The following PLCXD3 variants were observed in gnomAD, a reference collection of about 807,000 sequenced individuals.
PLCXD3 encodes the protein phosphatidylinositol specific phospholipase C X domain containing 3.
Under a neutral mutation model 25.5 loss-of-function variants are expected in PLCXD3, and 19 were observed. That is an observed-to-expected ratio of 0.75 (90% confidence interval 0.52 to 1.09). The LOEUF is 1.09. Among genes scored for constraint, PLCXD3 ranks in the 50% least tolerant of loss-of-function variants. PLCXD3 has a pLI of 0.00. For synonymous variants in PLCXD3, 174 were observed against 137.6 expected (o/e 1.26, Z -1.85); for missense variants, 411 against 388.1 (o/e 1.06, Z -0.50).
chr5:41,346,161 G>A (rs146059796), intron 2 of PLCXD3, among the ~76,000 whole-genome samples: 64 of 152,288 alleles, frequency 4.2e-4, no homozygotes, highest in African/African-American at 1.5e-3. Context: ...GATTACAGGC[G>A]TGAGCCACCA....
chr5:41,435,848 T>C (rs897809), intron 1 of PLCXD3, among the ~76,000 whole-genome samples: 96,739 of 152,136 alleles, frequency 0.64, 32,717 homozygotes, highest in Admixed American at 0.74. Context: ...CCTTCTCCCG[T>C]AAAGAAACAG....
intron 1 of PLCXD3, among the ~76,000 whole-genome samples, chr5:41,443,807 A>T (rs318068): frequency 0.014 from 2,168 of 152,302 alleles, 59 homozygotes; most frequent in African/African-American, 0.049. Context: ...GACCATACCT[A>T]AGTATAAGCA....
intron 1 of PLCXD3, chr5:41,475,593 C>T (rs747195782): frequency 5.6e-6 from 3 of 534,268 alleles, no homozygotes; most frequent in African/African-American, 3.9e-5. Flanking sequence ...TAGGCCTCTT[C>T]AGGTCCCTTC....
At chr5:41,392,790 G>A (rs1745874295) in intron 1 of PLCXD3, among the ~76,000 whole-genome samples, 1 of 152,110 alleles carries the variant, frequency 6.6e-6, no homozygotes, top group African/African-American at 2.4e-5. Flanking sequence ...TAGCTGTGTT[G>A]AGGAAACTCA....
chr5:41,363,292 A>G (rs1744842295), intron 2 of PLCXD3, among the ~76,000 whole-genome samples: 1 of 152,214 alleles, frequency 6.6e-6, no homozygotes, highest in Non-Finnish European at 1.5e-5. Flanking sequence ...TGTCCTAATC[A>G]TTTTAAAGTA....
chr5:41,428,388 G>GTT (rs200452336), intron 1 of PLCXD3, among the ~76,000 whole-genome samples: 1,770 of 131,482 alleles, frequency 0.013, 75 homozygotes, highest in African/African-American at 0.046. Context: ...TTTTGTTTTT[G>GTT]TTTTTGTTTT....
chr5:41,411,025 G>A (rs1746504764), intron 1 of PLCXD3, among the ~76,000 whole-genome samples: 1 of 152,110 alleles, frequency 6.6e-6, no homozygotes, highest in Admixed American at 6.5e-5. Flanking sequence ...TGGGCAAATG[G>A]GGGAGGGCAG....
intron 1 of PLCXD3, among the ~76,000 whole-genome samples, chr5:41,440,757 C>T (rs925076144): frequency 6.6e-6 from 1 of 152,080 alleles, no homozygotes; most frequent in Non-Finnish European, 1.5e-5. Context: ...TTATACCTCA[C>T]GATAACCGTG....
intron 2 of PLCXD3, among the ~76,000 whole-genome samples, chr5:41,357,513 G>A (rs1353424243): frequency 6.6e-6 from 1 of 152,106 alleles, no homozygotes; most frequent in Non-Finnish European, 1.5e-5. Context: ...ATGCTTAACA[G>A]CTTTAGAACA....
chr5:41,475,447 A>G (rs752453109), intron 1 of PLCXD3, among the ~76,000 whole-genome samples: 3 of 151,902 alleles, frequency 2.0e-5, no homozygotes, highest in African/African-American at 7.3e-5. Context: ...ATCTATCCCT[A>G]TCTGTCCGTA....
intron 1 of PLCXD3, among the ~76,000 whole-genome samples, chr5:41,454,818 A>G (rs1747717617): frequency 6.6e-6 from 1 of 151,972 alleles, no homozygotes; most frequent in Non-Finnish European, 1.5e-5. Context: ...GTCTGTTTTC[A>G]TACTGCTATG....
At chr5:41,502,272 G>C (rs541123273) in intron 1 of PLCXD3, among the ~76,000 whole-genome samples, 1 of 152,196 alleles carries the variant, frequency 6.6e-6, no homozygotes, top group East Asian at 1.9e-4. Flanking sequence ...GGAAACTGAG[G>C]AAGATCTTGT....
intron 1 of PLCXD3, among the ~76,000 whole-genome samples, chr5:41,464,016 GCTGA>G (rs1045242158): frequency 7.2e-5 from 11 of 151,954 alleles, no homozygotes; most frequent in Admixed American, 7.2e-4. Flanking sequence ...TCAGTTTTTT[GCTGA>G]CTACCTTAGC....
intron 1 of PLCXD3, among the ~76,000 whole-genome samples, chr5:41,461,134 A>C (rs1197628141): frequency 1.3e-5 from 2 of 151,990 alleles, no homozygotes; most frequent in African/African-American, 4.8e-5. Context: ...TTGGTAAATA[A>C]ACTAAAAAAT....
At chr5:41,454,498 G>T (rs1747708528) in intron 1 of PLCXD3, among the ~76,000 whole-genome samples, 1 of 151,882 alleles carries the variant, frequency 6.6e-6, no homozygotes, top group African/African-American at 2.4e-5. Context: ...CCATTCTTGT[G>T]GACAGAGCCC....
chr5:41,344,217 A>G (rs976841409), intron 2 of PLCXD3, among the ~76,000 whole-genome samples: 1 of 152,138 alleles, frequency 6.6e-6, no homozygotes, highest in African/African-American at 2.4e-5. Flanking sequence ...AAGAAGACAA[A>G]AGATAGTTTG....
At chr5:41,499,591 T>C (rs146235162) in intron 1 of PLCXD3, among the ~76,000 whole-genome samples, 1 of 151,830 alleles carries the variant, frequency 6.6e-6, no homozygotes, top group African/African-American at 2.4e-5. Context: ...ATAGATTCAA[T>C]GCAATCTTTA....
Position 41,333,982 on chromosome 5 carries a change from G to A in PLCXD3, c.813-20212C>T, listed in dbSNP as rs201716542. 4.6e-5 allele frequency among the ~76,000 whole-genome samples: 7 copies of A among 152,180 alleles called. No individual in the cohort carries two copies. In the East Asian group the frequency reaches 7.7e-4, roughly 17 times the overall value. Reference sequence around the variant, plus strand: ...CATTTATAGCTTGATAAAGACATCCGTTTGACAAATATTTATAAAGCAACC... The same window carrying A: ...CATTTATAGCTTGATAAAGACATCCATTTGACAAATATTTATAAAGCAACC... On this transcript the variant is annotated intron_variant, in intron 2 of 2. Coordinates refer to ENST00000377801, the MANE Select transcript of PLCXD3 (RefSeq NM_001005473.3).
rs572067944 is a variant in PLCXD3, at chr5:41,405,769, GTTTGT to G, written c.104-23240_104-23236del. ...CAATCATTGGTCCAATTTTTTATTTGTTTGTTTTGTTTTGTTTTGTTTTGTTTACC... is the reference window on the plus strand; with the variant it reads ...CAATCATTGGTCCAATTTTTTATTTGTTTGTTTTGTTTTGTTTTGTTTACC... On this transcript the variant is annotated intron_variant, in intron 1 of 2. Coordinates refer to ENST00000377801, the MANE Select transcript of PLCXD3 (RefSeq NM_001005473.3). 9.2e-5 allele frequency among the ~76,000 whole-genome samples: 14 copies of G among 152,006 alleles called. No homozygotes were observed. In the East Asian group the frequency reaches 2.1e-3, roughly 23 times the overall value.
Sources: allele counts gnomAD v4.1 joint callset (sites outside exome capture counted in the v4.1 genomes callset), GRCh38; gene constraint gnomAD v4.1.1; transcripts MANE v1.5; gene names NCBI Gene and HGNC (gene_info 2026-07-23, HGNC 2026-07-21).